Variants in RBMS3 observed in about 807,000 individuals in gnomAD.
RBMS3 encodes RNA binding motif single stranded interacting protein 3.
A neutral mutation model predicts 66.8 loss-of-function variants in RBMS3; 27 were observed. The observed-to-expected ratio is 0.40, with a 90% confidence interval of 0.30 to 0.56. RBMS3 has a LOEUF of 0.56. Ranked by LOEUF, RBMS3 falls within the 20% of genes least tolerant of loss-of-function variation. RBMS3 has a pLI of 0.40. For missense variants in RBMS3, 513 were observed against 549.5 expected, an observed-to-expected ratio of 0.93 and a Z score of 0.66; for synonymous variants, 188 against 183.0, an observed-to-expected ratio of 1.03 and a Z score of -0.22.
rs1273653610 is a variant in RBMS3 at position 29,512,428 on chromosome 3, CTTCT to C, written c.307+23932_307+23935del. Among the ~76,000 whole-genome samples the C allele has an allele frequency of 2.0e-5, 3 of 151,866 alleles. No individual in the cohort carries two copies. In the East Asian group the frequency reaches 5.8e-4, roughly 29 times the overall value. On this transcript the variant is annotated intron_variant, in intron 3 of 14. Coordinates refer to ENST00000383767, the MANE Select transcript of RBMS3 (RefSeq NM_001003793.3). Reference sequence around the variant, plus strand: ...AGAGATTATAAATGTTGCATTAATCCTTCTTTAATTTAATAATTAAGATTTATAA... The same window carrying C: ...AGAGATTATAAATGTTGCATTAATCCTTAATTTAATAATTAAGATTTATAA...
intron 5 of RBMS3, among the ~76,000 whole-genome samples, chr3:29,748,175 G>A (rs2055011829): frequency 6.6e-6 from 1 of 152,124 alleles, no homozygotes; most frequent in African/African-American, 2.4e-5. Context: ...CTCTTAGTGG[G>A]AGTAGGGAGG....
chr3:29,417,210 T>G lies in RBMS3; in HGVS notation c.76-17533T>G, dbSNP rs536899363. 2.6e-5 allele frequency among the ~76,000 whole-genome samples: 4 copies of G among 152,172 alleles called. No individual in the cohort carries two copies. In the South Asian group the frequency reaches 8.3e-4, roughly 32 times the overall value. ...TTTAATATTAGTGATATGTTGAAAT[T>G]TCGTTTTTATTCTAAACAAATATTC... On this transcript the variant is annotated intron_variant, in intron 1 of 14. Coordinates refer to ENST00000383767, the MANE Select transcript of RBMS3 (RefSeq NM_001003793.3).
intron 1 of RBMS3, among the ~76,000 whole-genome samples, chr3:29,420,947 G>GAA (rs397757488): frequency 0.033 from 4,118 of 125,390 alleles, 199 homozygotes; most frequent in African/African-American, 0.1. Flanking sequence ...TACTAAAAAT[G>GAA]AAAAAAAAAA....
At chr3:29,960,966 G>T (rs1212847932) in intron 12 of RBMS3, among the ~76,000 whole-genome samples, 1 of 152,098 alleles carries the variant, frequency 6.6e-6, no homozygotes, top group Admixed American at 6.5e-5. Flanking sequence ...TTTTCCCATT[G>T]TCTTGGTGAT....
intron 1 of RBMS3, among the ~76,000 whole-genome samples, chr3:29,416,393 T>C (rs1016759735): frequency 6.6e-6 from 1 of 152,192 alleles, no homozygotes; most frequent in Non-Finnish European, 1.5e-5. Flanking sequence ...ATCCAAAGTG[T>C]ATAAAATTTA....
At chr3:29,915,053 G>C (rs2060605094) in intron 10 of RBMS3, among the ~76,000 whole-genome samples, 1 of 151,434 alleles carries the variant, frequency 6.6e-6, no homozygotes, top group African/African-American at 2.4e-5. Context: ...TTGTTGTTTA[G>C]ATATATCTGT....
At chr3:29,706,729 C>G (rs956913590) in intron 4 of RBMS3, among the ~76,000 whole-genome samples, 1 of 152,200 alleles carries the variant, frequency 6.6e-6, no homozygotes, top group African/African-American at 2.4e-5. Context: ...TAAACACTCT[C>G]TATATAACAG....
intron 11 of RBMS3, among the ~76,000 whole-genome samples, 173 bp from the exon 12 acceptor site, chr3:29,944,034 G>A (rs929863660): frequency 9.9e-5 from 15 of 151,692 alleles, no homozygotes; most frequent in Non-Finnish European, 1.9e-4. Flanking sequence ...TGTGGTAATA[G>A]GGACCATGGT....
chr3:29,944,456 G>C (rs997159405), intron 12 of RBMS3, among the ~76,000 whole-genome samples: 1 of 151,620 alleles, frequency 6.6e-6, no homozygotes, highest in African/African-American at 2.4e-5. Flanking sequence ...AAATAAATGT[G>C]TTGCATTTTA....
At chr3:29,521,505 C>G (rs893815818) in intron 3 of RBMS3, among the ~76,000 whole-genome samples, 2 of 152,176 alleles carry the variant, frequency 1.3e-5, no homozygotes, top group Non-Finnish European at 2.9e-5. Context: ...CAGGACTCAA[C>G]AAGCTTACAT....
Position 29,646,535 on chromosome 3 carries a change from C to T in RBMS3, c.399+59330C>T, listed in dbSNP as rs189203965. Among the ~76,000 whole-genome samples, 14 of 152,168 alleles carry T rather than the reference C, an allele frequency of 9.2e-5. No homozygotes were observed. In the South Asian group the frequency reaches 1.4e-3, roughly 16 times the overall value. On this transcript the variant is annotated intron_variant, in intron 4 of 14. Transcript: ENST00000383767. ...TTGAGAGTTCTTTTTGTTTCACTAC[C>T]GTTAATATGTTACCTAATGTCTCTT...
chr3:29,831,927 A>G (rs2058380017), intron 6 of RBMS3, among the ~76,000 whole-genome samples: 1 of 152,114 alleles, frequency 6.6e-6, no homozygotes, highest in Admixed American at 6.6e-5. Context: ...TATATAAGAT[A>G]AAGGTTATCT....
intron 4 of RBMS3, chr3:29,616,105 TG>T (rs2048662201): frequency 6.6e-6 from 1 of 152,186 alleles, no homozygotes; most frequent in Admixed American, 6.5e-5. Context: ...ACAGAAAATT[TG>T]AGCCAGTTCT....
chr3:29,739,458 GAA>G lies in RBMS3; in HGVS notation c.400-245_400-244del, dbSNP rs56861996. Among the ~76,000 whole-genome samples, 1,168 of 129,562 alleles carry G rather than the reference GAA, an allele frequency of 9.0e-3. 11 individuals are homozygous for G. The highest frequency in any genetic ancestry group is 0.04 in the South Asian group (162 of 4,024). The allele number at this position is 129,562 out of a possible 152,430, so 85.0% of individuals were successfully genotyped here. A position where few individuals can be genotyped will look rare whatever the true frequency, so the allele number is the denominator to read the frequency against. ...GCTACAGAGCGAGACTCCGTCTCAA[GAA>G]AAAAAAAAAAAAAAAAGAAAAGTTT... On this transcript the variant is annotated intron_variant, in intron 4 of 14. Coordinates refer to ENST00000383767, the MANE Select transcript of RBMS3 (RefSeq NM_001003793.3).
chr3:29,502,487 C>T (rs570604388), intron 3 of RBMS3, among the ~76,000 whole-genome samples: 2 of 152,142 alleles, frequency 1.3e-5, no homozygotes, highest in East Asian at 3.9e-4. Flanking sequence ...TAAAGGCAGA[C>T]AATTTGATAG....
chr3:29,739,853 T>C lies in RBMS3; in HGVS notation c.533T>C (p.Val178Ala), dbSNP rs757742495. The change falls in exon 5 of 15, where the codon GTC (valine) becomes GCC (alanine). Residue 178 changes from valine (V) to alanine (A), a missense_variant. Transcript: ENST00000383767. ...AGAATACTAAGAGACGCTAATGGAG[T>C]CAGCAGAGGTGTTGGCTTTGCCAGG... is the stretch of plus-strand genomic sequence containing the variant. ...STRILRDANG[V>A]SRGVGFARME... The C allele has an allele frequency of 1.9e-6, 3 of 1,597,716 alleles. No homozygotes were observed. The highest frequency in any genetic ancestry group is 2.6e-6 in the Non-Finnish European group (3 of 1,173,868).
At chr3:29,526,517 T>A (rs1400626758) in intron 3 of RBMS3, among the ~76,000 whole-genome samples, 3 of 62,666 alleles carry the variant, frequency 4.8e-5, no homozygotes, top group Non-Finnish European at 8.4e-5. Flanking sequence ...CGAGACTCCA[T>A]CTCAAAAAAA....
intron 4 of RBMS3, among the ~76,000 whole-genome samples, chr3:29,619,943 C>T (rs562783321): frequency 6.6e-6 from 1 of 151,914 alleles, no homozygotes; most frequent in Non-Finnish European, 1.5e-5. Context: ...TTTTATGCTC[C>T]CAAGGAACTC....
At chr3:29,930,325 G>T (rs919742478) in intron 10 of RBMS3, among the ~76,000 whole-genome samples, 2 of 151,368 alleles carry the variant, frequency 1.3e-5, no homozygotes, top group Non-Finnish European at 2.9e-5. Flanking sequence ...TGTTAGCCAG[G>T]ATGGTCTCGA....
Sources: gnomAD v4.1 joint callset for allele counts (sites outside exome capture counted in the v4.1 genomes callset) on GRCh38, gnomAD v4.1.1 for gene constraint, MANE v1.5 for transcripts, NCBI Gene and HGNC (gene_info 2026-07-23, HGNC 2026-07-21) for gene names.